Variants in TMEM135 observed in about 807,000 individuals in gnomAD.
TMEM135 encodes transmembrane protein 135, also known as peroxisomal membrane protein 52.
A neutral mutation model predicts 60.3 loss-of-function variants in TMEM135; 30 were observed. The ratio of observed to expected loss-of-function variants is 0.50; its 90% confidence interval spans 0.37 to 0.68. The LOEUF (loss-of-function observed/expected upper bound fraction) is 0.68, where lower values mean the gene tolerates loss of function less well. Among genes scored for constraint, TMEM135 ranks in the 30% least tolerant of loss-of-function variants. The probability of loss-of-function intolerance (pLI) is 0.00; values close to 1 mark genes in which losing one functional copy is unlikely to be tolerated. For missense variants in TMEM135, 468 were observed against 548.8 expected, an observed-to-expected ratio of 0.85 and a Z score of 1.47; for synonymous variants, 190 against 186.7, an observed-to-expected ratio of 1.02 and a Z score of -0.14.
chr11:87,242,905 T>C (rs1941172267), intron 6 of TMEM135, among the ~76,000 whole-genome samples: 1 of 147,290 alleles, frequency 6.8e-6, no homozygotes, highest in Admixed American at 6.8e-5. Context: ...GCTTTTGGTG[T>C]TTTAGACATG....
At chr11:87,240,891 A>ATGGTTTCAAC (rs60929059) in intron 6 of TMEM135, among the ~76,000 whole-genome samples, 1 of 151,530 alleles carries the variant, frequency 6.6e-6, no homozygotes, top group Non-Finnish European at 1.5e-5. Flanking sequence ...TATAGATTGA[A>ATGGTTTCAAC]TTGTCATAGC....
chr11:87,141,978 A>G (rs996948974), intron 4 of TMEM135, among the ~76,000 whole-genome samples: 12 of 152,224 alleles, frequency 7.9e-5, no homozygotes, highest in African/African-American at 2.9e-4. Flanking sequence ...TGAGGGATCT[A>G]GCAGTAGCAG....
chr11:87,176,553 GAGA>G (rs1397632975), intron 5 of TMEM135, among the ~76,000 whole-genome samples: 1 of 152,174 alleles, frequency 6.6e-6, no homozygotes, highest in East Asian at 1.9e-4. Context: ...GGTCAGAACA[GAGA>G]AGATTTGTAT....
At chr11:87,183,057 C>T (rs540037668) in intron 5 of TMEM135, among the ~76,000 whole-genome samples, 1 of 151,268 alleles carries the variant, frequency 6.6e-6, no homozygotes, top group East Asian at 1.9e-4. Flanking sequence ...TTGATTGAAG[C>T]TGAAAGCTCT....
chr11:87,062,831 C>T (rs1302060540), intron 1 of TMEM135, among the ~76,000 whole-genome samples: 12 of 152,038 alleles, frequency 7.9e-5, no homozygotes, highest in African/African-American at 2.7e-4. Flanking sequence ...TTTAATTTAA[C>T]CTCTTTATTT....
chr11:87,162,040 G>T (rs981981084), intron 5 of TMEM135, among the ~76,000 whole-genome samples: 1 of 152,060 alleles, frequency 6.6e-6, no homozygotes, highest in Non-Finnish European at 1.5e-5. Flanking sequence ...TAAAAAACAT[G>T]CACAACAATT....
At chr11:87,205,605 A>G (rs1282328062) in intron 5 of TMEM135, among the ~76,000 whole-genome samples, 1 of 152,164 alleles carries the variant, frequency 6.6e-6, no homozygotes, top group Non-Finnish European at 1.5e-5. Flanking sequence ...ATACTCTTTG[A>G]AAGTTTGATG....
intron 6 of TMEM135, chr11:87,258,794 A>G (rs1426024719): frequency 1.8e-6 from 1 of 563,346 alleles, no homozygotes; most frequent in Non-Finnish European, 3.2e-6. Flanking sequence ...CAGTTCAAAC[A>G]CAATTGAATT....
intron 6 of TMEM135, among the ~76,000 whole-genome samples, chr11:87,273,661 A>C (rs906322271): frequency 6.6e-6 from 1 of 152,196 alleles, no homozygotes; most frequent in African/African-American, 2.4e-5. Flanking sequence ...ACCAGACCCA[A>C]GGGAAAGAGA....
In TMEM135 at chr11:87,234,908, A is replaced by G. The variant is rs762411477; in HGVS notation, c.463-1730A>G. 4.3e-4 allele frequency among the ~76,000 whole-genome samples: 65 copies of G among 152,128 alleles called. No homozygotes were observed. The Middle Eastern group carries it at 0.014, about 32-fold the overall frequency. On this transcript the variant is annotated intron_variant, in intron 5 of 14. Coordinates refer to ENST00000305494, the MANE Select transcript of TMEM135 (RefSeq NM_022918.4). ...TTTTGAGGGAAGGCAGACTTTGGAT[A>G]TTTAGAGAAGATGAAGAGTGTGTGA...
At chr11:87,245,896 G>T (rs1941257300) in intron 6 of TMEM135, among the ~76,000 whole-genome samples, 1 of 80,468 alleles carries the variant, frequency 1.2e-5, no homozygotes, top group African/African-American at 4.7e-5. Context: ...CTGTCATTAT[G>T]ATGTTAGCTG....
intron 6 of TMEM135, 59 bp downstream of exon 6, chr11:87,236,743 A>T: frequency 2.0e-6 from 3 of 1,500,910 alleles, no homozygotes; most frequent in Non-Finnish European, 2.8e-6. Context: ...TTGTAATTTC[A>T]TCAACCACGA....
At position 87,326,824 on chromosome 11, in the gene TMEM135, A is replaced by C. The variant is rs749521660; in HGVS notation, c.*5491A>C. The C allele has an allele frequency of 8.9e-6, 4 of 449,264 alleles. No individual in the cohort carries two copies. The Middle Eastern group carries it at 2.2e-3, about 242-fold the overall frequency. 27.8% of individuals were successfully genotyped at this position (449,264 alleles called of 1,614,324 possible). On this transcript the variant is annotated 3_prime_UTR_variant, in exon 15 of 15. Coordinates refer to ENST00000305494, the MANE Select transcript of TMEM135 (RefSeq NM_022918.4). Reference sequence around the variant, plus strand: ...AGTTTTTGATAGCCTGTCACTGCTCAGGGATAGCACTAAGGCTCTCTTCAG... The same window carrying C: ...AGTTTTTGATAGCCTGTCACTGCTCCGGGATAGCACTAAGGCTCTCTTCAG...
Position 87,174,271 on chromosome 11 carries a change from T to A in TMEM135, c.462+16865T>A, listed in dbSNP as rs202244594. On this transcript the variant is annotated intron_variant, in intron 5 of 14. Coordinates refer to ENST00000305494, the MANE Select transcript of TMEM135 (RefSeq NM_022918.4). The stretch of plus-strand genomic sequence containing the variant: ...ATCATATTTTAATGGGAAGAAAATA[T>A]TAAGATACCTTACACATGTCTATTG... Among the ~76,000 whole-genome samples, 11 of 152,266 alleles carry A rather than the reference T, an allele frequency of 7.2e-5. No homozygotes were observed. In the East Asian group the frequency reaches 2.1e-3, roughly 29 times the overall value.
At chr11:87,264,800 G>A (rs1265754301) in intron 6 of TMEM135, among the ~76,000 whole-genome samples, 2 of 151,578 alleles carry the variant, frequency 1.3e-5, no homozygotes, top group Non-Finnish European at 3.0e-5. Context: ...TAGCTTTAAG[G>A]GCATTATCTT....
chr11:87,147,611 A>G (rs928868439), intron 4 of TMEM135, among the ~76,000 whole-genome samples: 3 of 152,246 alleles, frequency 2.0e-5, no homozygotes, highest in Non-Finnish European at 4.4e-5. Context: ...TCACCTCAGC[A>G]TACATCCTTA....
At chr11:87,073,459 G>A (rs1409348124) in intron 3 of TMEM135, among the ~76,000 whole-genome samples, 1 of 152,100 alleles carries the variant, frequency 6.6e-6, no homozygotes, top group Non-Finnish European at 1.5e-5. Flanking sequence ...AAAATCAAAG[G>A]ATTGGTGAAT....
intron 1 of TMEM135, among the ~76,000 whole-genome samples, chr11:87,063,444 T>C (rs1163356091): frequency 1.3e-5 from 2 of 152,240 alleles, no homozygotes; most frequent in Non-Finnish European, 2.9e-5. Flanking sequence ...TTTCTGAAGG[T>C]ATCTGATATC....
At chr11:87,105,144 G>T (rs1017571913) in intron 4 of TMEM135, among the ~76,000 whole-genome samples, 1 of 152,154 alleles carries the variant, frequency 6.6e-6, no homozygotes, top group Non-Finnish European at 1.5e-5. Context: ...AATTTTGTCT[G>T]CATCTCTTGA....
Sources: gnomAD v4.1 joint callset for allele counts (sites outside exome capture counted in the v4.1 genomes callset) on GRCh38, gnomAD v4.1.1 for gene constraint, MANE v1.5 for transcripts, NCBI Gene and HGNC (gene_info 2026-07-23, HGNC 2026-07-21) for gene names.